The following PFKM variants were observed in gnomAD, a reference collection of about 807,000 sequenced individuals.
PFKM encodes ATP-dependent 6-phosphofructokinase, muscle type.
A neutral mutation model predicts 95.5 loss-of-function variants in PFKM; 58 were observed. The ratio of observed to expected loss-of-function variants is 0.61; its 90% confidence interval spans 0.49 to 0.76. PFKM has a LOEUF of 0.76. PFKM is among the 30% of genes least tolerant of loss of function. PFKM has a pLI of 0.00. For missense variants in PFKM, 678 were observed against 1,005.4 expected (o/e 0.67, Z 4.40); for synonymous variants, 336 against 357.2 (o/e 0.94, Z 0.67).
intron 6 of PFKM, among the ~76,000 whole-genome samples, chr12:48,133,871 G>A (rs769238898): frequency 6.6e-6 from 1 of 152,160 alleles, no homozygotes; most frequent in South Asian, 2.1e-4. Flanking sequence ...CTGGGGGGAG[G>A]CAATGTAGGA....
At chr12:48,106,160 G>A in intron 1 of PFKM, 1 of 701,620 alleles carries the variant, frequency 1.4e-6, no homozygotes, top group Non-Finnish European at 2.6e-6. Context: ...GAGGGGGCTG[G>A]GGCAGGAGGT....
Position 48,139,321 on chromosome 12 carries a change from T to C in PFKM, c.1099T>C (p.Phe367Leu), listed in dbSNP as rs779944637. ...DVTKAMDEKK[F>L]DEALKLRGRS... ...GACCAAGGCCATGGATGAGAAGAAA[T>C]TTGACGAAGCCCTGAAGCTGAGAGG... is the stretch of plus-strand genomic sequence containing the variant. The change falls in exon 12 of 23, where the codon TTT becomes CTT. Residue 367 changes from phenylalanine to leucine, a missense_variant. By Grantham distance (22) the Phe-to-Leu change is conservative. Transcript: ENST00000359794. 4 of 1,613,708 alleles carry C rather than the reference T, an allele frequency of 2.5e-6. No individual in the cohort carries two copies. The highest frequency in any genetic ancestry group is 3.4e-6 in the Non-Finnish European group (4 of 1,179,836).
chr12:48,145,038 GC>G lies in PFKM; in HGVS notation c.2003del (p.Pro668GlnfsTer17), dbSNP rs767095759. On this transcript the variant is annotated frameshift_variant, in exon 21 of 23. Coordinates refer to ENST00000359794, the MANE Select transcript of PFKM (RefSeq NM_000289.6). LOFTEE classifies it high-confidence loss of function. This position sits in a 1 kb window ranked among gnomAD's most constrained non-coding sequence, Gnocchi z 4.3. The stretch of plus-strand genomic sequence containing the variant: ...TTATGTTTCTTTCTCCAGGGTGGGA[GC>G]CCAACCCCATTTGATAGGAATTTTG... ...NVLGHMQQGG[S>X]PTPFDRNFAT... is the part of the protein sequence containing the mutation. The G allele has an allele frequency of 3.8e-5, 62 of 1,611,158 alleles. No homozygotes were observed. Among genetic ancestry groups the G allele is most frequent in the Non-Finnish European group, 8.5e-7 (1 of 1,177,398 alleles).
chr12:48,119,429 G>A (rs1947963913), intron 1 of PFKM, 23 bp downstream of exon 1: 8 of 985,590 alleles, frequency 8.1e-6, no homozygotes, highest in Non-Finnish European at 9.6e-6. Context: ...ATTGAGTGAA[G>A]AGCAAGGGGG....
chr12:48,116,141 C>T (rs191005371), upstream of PFKM, among the ~76,000 whole-genome samples: 512 of 143,350 alleles, frequency 3.6e-3, 3 homozygotes, highest in African/African-American at 0.012. Context: ...TTCCTTCCTT[C>T]CTCTCTCTCT....
chr12:48,108,158 C>G (rs758030714), exon 3 of PFKM: 2 of 1,598,926 alleles, frequency 1.3e-6, no homozygotes, highest in Non-Finnish European at 8.5e-7. Flanking sequence ...TATGGATGAT[C>G]CAGACACCGT....
intron 2 of PFKM, among the ~76,000 whole-genome samples, chr12:48,123,524 T>G (rs1186891728): frequency 1.3e-5 from 2 of 151,980 alleles, no homozygotes; most frequent in African/African-American, 4.8e-5. Context: ...TAAGAGGGTA[T>G]TGATTTTTTT....
exon 1 of PFKM, chr12:48,106,068 G>C: frequency 2.8e-6 from 2 of 702,550 alleles, no homozygotes; most frequent in Non-Finnish European, 2.6e-6. Context: ...TTTCCGGCCG[G>C]GCGCGGAACG....
chr12:48,107,470 T>C, intron 2 of PFKM: 3 of 1,504,482 alleles, frequency 2.0e-6, no homozygotes, highest in Non-Finnish European at 2.7e-6. Context: ...CCTTGTCTCC[T>C]GATCATACTC....
chr12:48,109,240 A>G (rs570352333), intron 3 of PFKM, among the ~76,000 whole-genome samples: 1 of 152,374 alleles, frequency 6.6e-6, no homozygotes, highest in African/African-American at 2.4e-5. Flanking sequence ...TTGGTTCAAA[A>G]TAAGATGCCA....
rs1441122050 is a variant in PFKM at position 48,131,333 on chromosome 12, G to A, written c.177G>A (p.Val59=). 1 of 1,612,668 alleles carries A rather than the reference G, an allele frequency of 6.2e-7. No individual in the cohort carries two copies. Among genetic ancestry groups the A allele is most frequent in the South Asian group, 1.1e-5 (1 of 91,048 alleles). ...TCACACAGGGTTATCAAGGCCTGGT[G>A]GATGGTGGAGATCACATCAAGGAAG... ...FFVHEGYQGL[V]DGGDHIKEAT... The change falls in exon 4 of 23, where the codon GTG becomes GTA. Residue 59 remains valine, a synonymous_variant. Coordinates refer to ENST00000359794, the MANE Select transcript of PFKM (RefSeq NM_000289.6).
intron 13 of PFKM, 22 bp from the exon 14 acceptor site, chr12:48,140,700 T>C (rs1950509185): frequency 6.2e-7 from 1 of 1,613,958 alleles, no homozygotes; most frequent in Non-Finnish European, 8.5e-7. Flanking sequence ...GTCCTCATTT[T>C]TCCCTGCTTC....
chr12:48,140,672 T>C (rs1306558786), intron 13 of PFKM, 50 bp from the exon 14 acceptor site: 10 of 1,601,778 alleles, frequency 6.2e-6, no homozygotes, highest in Non-Finnish European at 8.6e-6. Context: ...CTCCTCCCTG[T>C]TCCCCTGCTG....
intron 1 of PFKM, 73 bp downstream of exon 1, chr12:48,119,479 G>T (rs1947972904): frequency 1.1e-6 from 1 of 870,108 alleles, no homozygotes; most frequent in Non-Finnish European, 1.4e-6. Flanking sequence ...GCCGGGAGCA[G>T]GCGGTAGGGA....
chr12:48,118,526 G>GT (rs1251385505), upstream of PFKM: 4 of 1,526,432 alleles, frequency 2.6e-6, no homozygotes, highest in Non-Finnish European at 3.5e-6. Flanking sequence ...GAAGAGGGCA[G>GT]TGGTAAAAGC....
chr12:48,134,598 C>A (rs1465090314), intron 7 of PFKM, 123 bp from the exon 8 acceptor site: 2 of 805,042 alleles, frequency 2.5e-6, no homozygotes, highest in African/African-American at 1.7e-5. Flanking sequence ...CCTTGCCCCA[C>A]GAATAAAATG....
chr12:48,125,392 C>T (rs867087492), intron 2 of PFKM: 11 of 436,966 alleles, frequency 2.5e-5, no homozygotes, highest in Middle Eastern at 6.7e-4. Flanking sequence ...GAGGCCGAGG[C>T]GGGCAGATCA....
intron 2 of PFKM, among the ~76,000 whole-genome samples, chr12:48,126,426 T>C (rs961888647): frequency 6.6e-6 from 1 of 152,258 alleles, no homozygotes; most frequent in African/African-American, 2.4e-5. Flanking sequence ...GATATTCAAG[T>C]TGGAGACAGG....
At position 48,133,277 on chromosome 12, in the gene PFKM, C is replaced by T. The variant is rs191637699; in HGVS notation, c.428-38C>T. 6.9e-6 allele frequency: 11 copies of T among 1,588,606 alleles called. No homozygotes were observed. The African/African-American group carries it at 1.3e-4, about 19-fold the overall frequency. On this transcript the variant is annotated intron_variant, in intron 5 of 22. Transcript: ENST00000359794. ...ATCTCCTCTTTAGGCATGCCAGGTG[C>T]CTCACCCAGTGGCTCCTGGTTTGCT...
Sources: gnomAD v4.1 joint callset for allele counts (sites outside exome capture counted in the v4.1 genomes callset) on GRCh38, gnomAD v4.1.1 for gene constraint, Gnocchi (gnomAD v3.1) non-coding constraint, MANE v1.5 for transcripts, NCBI Gene and HGNC (gene_info 2026-07-23, HGNC 2026-07-21) for gene names.